SIGLEC11: variants seen among roughly 807,000 people sequenced by gnomAD.
The protein encoded by SIGLEC11 is sialic acid binding Ig like lectin 11.
SIGLEC11 carries 47 observed loss-of-function variants against 61.2 expected under a neutral mutation model. The observed-to-expected ratio is 0.77, with a 90% confidence interval of 0.61 to 0.98. The LOEUF (loss-of-function observed/expected upper bound fraction) is 0.98, where lower values mean the gene tolerates loss of function less well. Ranked by LOEUF, SIGLEC11 falls within the 50% of genes least tolerant of loss-of-function variation. The pLI is 0.00. For synonymous variants in SIGLEC11, 278 were observed against 373.1 expected (o/e 0.75, Z 2.94); for missense variants, 610 against 870.3 (o/e 0.70, Z 3.76).
chr19:49,955,896 C>G lies in SIGLEC11; in HGVS notation c.1651+2387G>C, dbSNP rs1369233447. ...CTTGCAGTGAGCAGAGATGGCGCCA[C>G]TGCACTCCAGCCAGGGCAACAGAGC... On this transcript the variant is annotated intron_variant, in intron 8 of 10. Coordinates refer to ENST00000447370, the MANE Select transcript of SIGLEC11 (RefSeq NM_052884.3). This position sits in a 1 kb window ranked among gnomAD's most constrained non-coding sequence, Gnocchi z 4.5. Among the ~76,000 whole-genome samples, 1 of 148,994 alleles carries G rather than the reference C, an allele frequency of 6.7e-6. No homozygotes were observed.
rs1220345103 is a variant in SIGLEC11, at chr19:49,958,917, C to T, written c.1106-17G>A. The T allele has an allele frequency of 1.9e-6, 3 of 1,603,386 alleles. No homozygotes were observed. In the African/African-American group the frequency reaches 4.0e-5, roughly 22 times the overall value. On this transcript the variant is annotated splice_polypyrimidine_tract_variant and intron_variant, in intron 6 of 10. Coordinates refer to ENST00000447370, the MANE Select transcript of SIGLEC11 (RefSeq NM_052884.3). The stretch of plus-strand genomic sequence containing the variant: ...TTTCCAGGACTAGGGAAGGAAGAGG[C>T]AGAATCGACGTGCAGCTCAGGGCTC...
Position 49,959,348 on chromosome 19 carries a change from A to G in SIGLEC11, c.1057+12T>C, listed in dbSNP as rs762396089. ...TCCCAATGGACTCCAGGCCCCTGCT[A>G]GGCACACTCACACTGCACAGAGAGG... On this transcript the variant is annotated intron_variant, in intron 5 of 10. Transcript: ENST00000447370. 6.2e-5 allele frequency: 99 copies of G among 1,601,316 alleles called. No individual in the cohort carries two copies. Among genetic ancestry groups the G allele is most frequent in the Non-Finnish European group, 7.3e-5 (86 of 1,179,326 alleles).
chr19:49,958,500 C>T lies in SIGLEC11; in HGVS notation c.1434G>A (p.Gln478=), dbSNP rs754182179. The change falls in exon 8 of 11, where the codon CAG becomes CAA. Residue 478 remains glutamine (Q), a synonymous_variant. Coordinates refer to ENST00000447370, the MANE Select transcript of SIGLEC11 (RefSeq NM_052884.3). ...AEGLHCSCSS[Q]ASPAPSLRWW... ...AGCGCAGAGAGGGGGCCGGGCTGGCCTGGGAGGAGCAGCTGCAGTGCAGAC... is the reference window on the plus strand; with the variant it reads ...AGCGCAGAGAGGGGGCCGGGCTGGCTTGGGAGGAGCAGCTGCAGTGCAGAC... 1.2e-5 allele frequency: 20 copies of T among 1,609,264 alleles called. No homozygotes were observed. The African/African-American group carries it at 2.3e-4, about 18-fold the overall frequency.
chr19:49,960,568 G>T lies in SIGLEC11; in HGVS notation c.444C>A (p.Phe148Leu). The change falls in exon 2 of 11, where the codon TTC becomes TTA. Residue 148 changes from phenylalanine (F) to leucine (L), a missense_variant. By Grantham distance (22) the Phe-to-Leu change is conservative. Coordinates refer to ENST00000447370, the MANE Select transcript of SIGLEC11 (RefSeq NM_052884.3). ...ATTCCATACCTGTTACTTTTAGAAA[G>T]AACGCATTGCTCAGGAAACTATGTC... is the stretch of plus-strand genomic sequence containing the variant. The part of the protein sequence containing the change: ...RVRHSFLSNA[F>L]FLKVTALTKK... The T allele has an allele frequency of 6.3e-7, 1 of 1,598,100 alleles. No individual in the cohort carries two copies. The highest frequency in any genetic ancestry group is 1.1e-5 in the South Asian group (1 of 90,712).
In SIGLEC11 at chr19:49,951,113, G is replaced by A. The variant is rs745995787; in HGVS notation, c.1830+778C>T. On this transcript the variant is annotated intron_variant, in intron 10 of 10. Transcript: ENST00000447370. This position sits in a 1 kb window ranked among gnomAD's most constrained non-coding sequence, Gnocchi z 4.6. Reference sequence around the variant, plus strand: ...TTACGGCGGGGCCTACGTAGCATCAGTTTGGCTCTGCAGGGGCTGAGGAAC... The same window carrying A: ...TTACGGCGGGGCCTACGTAGCATCAATTTGGCTCTGCAGGGGCTGAGGAAC... Among the ~76,000 whole-genome samples the A allele has an allele frequency of 7.0e-4, 107 of 152,308 alleles. No individual in the cohort carries two copies. The highest frequency in any genetic ancestry group is 6.0e-4 in the Non-Finnish European group (41 of 68,020).
chr19:49,950,449 GCCAGACTCATAAAATCCTCACCACAAT>G lies in SIGLEC11; in HGVS notation c.1831-240_1831-214del, dbSNP rs1185461746. Among the ~76,000 whole-genome samples, 24 of 152,008 alleles carry G rather than the reference GCCAGACTCATAAAATCCTCACCACAAT, an allele frequency of 1.6e-4. 1 individual carries two copies. The highest frequency in any genetic ancestry group is 6.2e-4 in the South Asian group (3 of 4,822). On this transcript the variant is annotated intron_variant, in intron 10 of 10. Transcript: ENST00000447370. ...AACATCTAGCTCTTGGTAATTCACT[GCCAGACTCATAAAATCCTCACCACAAT>G]CCAGACTCATAAAATCCTCACCACA...
At position 49,955,029 on chromosome 19, in the gene SIGLEC11, C is replaced by G. The variant is rs1231370093; in HGVS notation, c.1652-2635G>C. Among the ~76,000 whole-genome samples the G allele has an allele frequency of 1.3e-5, 2 of 152,170 alleles. No individual in the cohort carries two copies. Among genetic ancestry groups the G allele is most frequent in the Non-Finnish European group, 2.9e-5 (2 of 68,026 alleles). ...CTTTGTGAAGCATTCCGGCCTTACA[C>G]CCTATTTGACCCTGAGGCTGCTGAA... On this transcript the variant is annotated intron_variant, in intron 8 of 10. Coordinates refer to ENST00000447370, the MANE Select transcript of SIGLEC11 (RefSeq NM_052884.3). This position sits in a 1 kb window ranked among gnomAD's most constrained non-coding sequence, Gnocchi z 4.5.
At chr19:49,953,675 A>G (rs1315226334) in intron 8 of SIGLEC11, among the ~76,000 whole-genome samples, 1 of 151,484 alleles carries the variant, frequency 6.6e-6, no homozygotes, top group African/African-American at 2.5e-5. Context: ...CGTATGGCTA[A>G]TAGGAGCTGC....
In SIGLEC11 at chr19:49,958,359, G is replaced by C. The variant is rs1383916778; in HGVS notation, c.1575C>G (p.Ser525Arg). The C allele has an allele frequency of 6.2e-7, 1 of 1,614,242 alleles. No homozygotes were observed. Among genetic ancestry groups the C allele is most frequent in the Non-Finnish European group, 8.5e-7 (1 of 1,180,030 alleles). Residue 525 changes from serine (S) to arginine (R), a missense_variant, in exon 8 of 11, where the codon AGC becomes AGG. Physicochemically the swap from Ser to Arg is moderately radical, Grantham distance 110 (BLOSUM62 -1). Transcript: ENST00000447370. ...CCTTACAGCGGAGCCTGAGGCCGGA[G>C]CTGAGCCCTCCATGGAGGCTCAGGG... Reference protein sequence around the residue: ...NSSLSLHGGLSSGLRLRCKAW... With the variant: ...NSSLSLHGGLRSGLRLRCKAW...
intron 5 of SIGLEC11, 92 bp from the exon 6 acceptor site, chr19:49,959,169 G>A (rs2076222947): frequency 6.3e-7 from 1 of 1,590,188 alleles, no homozygotes; most frequent in Non-Finnish European, 8.6e-7. Context: ...GGGGGAAGTG[G>A]GTGGGATAGA....
intron 8 of SIGLEC11, among the ~76,000 whole-genome samples, chr19:49,956,304 C>T (rs768970844): frequency 1.1e-4 from 17 of 152,114 alleles, no homozygotes; most frequent in Non-Finnish European, 1.8e-4. Context: ...AGCAATATGA[C>T]GATAAAACAC....
At chr19:49,957,744 G>A (rs1474193305) in intron 8 of SIGLEC11, among the ~76,000 whole-genome samples, 1 of 152,246 alleles carries the variant, frequency 6.6e-6, no homozygotes, top group Non-Finnish European at 1.5e-5. Flanking sequence ...GCACACGCCT[G>A]TAATCCCAGC....
chr19:49,949,819 A>AG lies in SIGLEC11; in HGVS notation c.*150dup. Reference sequence around the variant, plus strand: ...ATTGCACCACTGGACTCTGGCCTGGAGGACAGAGTCAGACCCTGTCTCAAA... The same window carrying AG: ...ATTGCACCACTGGACTCTGGCCTGGAGGGACAGAGTCAGACCCTGTCTCAAA... On this transcript the variant is annotated 3_prime_UTR_variant, in exon 11 of 11. Coordinates refer to ENST00000447370, the MANE Select transcript of SIGLEC11 (RefSeq NM_052884.3). 1 of 783,352 alleles carries AG rather than the reference A, an allele frequency of 1.3e-6. No individual in the cohort carries two copies. The highest frequency in any genetic ancestry group is 1.7e-6 in the Non-Finnish European group (1 of 572,634). The allele number at this position is 783,352 out of a possible 1,614,324, so 48.5% of individuals were successfully genotyped here.
chr19:49,950,704 T>C (rs1488107396), intron 10 of SIGLEC11, among the ~76,000 whole-genome samples: 4 of 152,180 alleles, frequency 2.6e-5, no homozygotes, highest in African/African-American at 9.6e-5. Flanking sequence ...ACACCACCCC[T>C]GATCTCAGGC....
rs755672317 is a variant in SIGLEC11 at position 49,958,237 on chromosome 19, C to T, written c.1651+46G>A. The T allele has an allele frequency of 1.5e-5, 24 of 1,602,258 alleles. No homozygotes were observed. In the South Asian group the frequency reaches 2.7e-4, roughly 18 times the overall value. ...CCTTGAACCTTCATCTTTCTAGGAT[C>T]CTGTCTCCTTTCTCCCTGAACCTCA... On this transcript the variant is annotated intron_variant, in intron 8 of 10. Coordinates refer to ENST00000447370, the MANE Select transcript of SIGLEC11 (RefSeq NM_052884.3).
Position 49,955,463 on chromosome 19 carries a change from A to C in SIGLEC11, c.1651+2820T>G, listed in dbSNP as rs1000088091. 1.3e-5 allele frequency among the ~76,000 whole-genome samples: 2 copies of C among 152,366 alleles called. No homozygotes were observed. The highest frequency in any genetic ancestry group is 3.4e-3 in the Middle Eastern group (1 of 294). ...GTAAGTGTGAAAAAGGAAAAAAGAA[A>C]AATCAGAAAGAAACAGTAAAGATAG... On this transcript the variant is annotated intron_variant, in intron 8 of 10. Transcript: ENST00000447370. This position sits in a 1 kb window ranked among gnomAD's most constrained non-coding sequence, Gnocchi z 4.5.
chr19:49,950,324 G>A (rs928353992), intron 10 of SIGLEC11, 88 bp from the exon 11 acceptor site: 1 of 1,303,992 alleles, frequency 7.7e-7, no homozygotes, highest in Non-Finnish European at 1.0e-6. Context: ...TGGAAATTGA[G>A]TATTTCCTGT....
At chr19:49,952,478 G>T in intron 8 of SIGLEC11, 84 bp from the exon 9 acceptor site, 1 of 957,842 alleles carries the variant, frequency 1.0e-6, no homozygotes, top group Non-Finnish European at 1.6e-6. Context: ...AGAGCTCTCG[G>T]ATTCTTCATC....
rs2122872684 is a variant in SIGLEC11, at chr19:49,949,154, A to C, written c.*816T>G. On this transcript the variant is annotated 3_prime_UTR_variant, in exon 11 of 11. Coordinates refer to ENST00000447370, the MANE Select transcript of SIGLEC11 (RefSeq NM_052884.3). ...TAGGCGCCCGCCACCATGCCCGGCT[A>C]ATTTTTGTATTTTTAGTAGAGATGG... The C allele has an allele frequency of 6.7e-6, 1 of 150,050 alleles. No homozygotes were observed. Among genetic ancestry groups the C allele is most frequent in the African/African-American group, 2.5e-5 (1 of 40,682 alleles). 9.3% of individuals were successfully genotyped at this position (150,050 alleles called of 1,614,324 possible).
Sources: gnomAD v4.1 joint callset for allele counts (sites outside exome capture counted in the v4.1 genomes callset) on GRCh38, gnomAD v4.1.1 for gene constraint, Gnocchi (gnomAD v3.1) non-coding constraint, MANE v1.5 for transcripts, NCBI Gene and HGNC (gene_info 2026-07-23, HGNC 2026-07-21) for gene names.